Variants in BLTP1 observed in about 807,000 individuals in gnomAD.
BLTP1 encodes the protein bridge-like lipid transfer protein family member 1, also known as fragile site-associated protein.
chr4:122,237,184 G>A, the BLTP1 span: 465 of 985,314 alleles, frequency 4.7e-4, 2 homozygotes, highest in African/African-American at 7.3e-3. Context: ...TTCCATTAGC[G>A]GATTTACTTT....
the BLTP1 span, chr4:122,224,744 A>G: frequency 6.2e-7 from 1 of 1,611,648 alleles, no homozygotes; most frequent in Non-Finnish European, 8.5e-7. Context: ...CCTTCTCAAG[A>G]ATAACTTGTA....
chr4:122,327,443 T>C, the BLTP1 span, among the ~76,000 whole-genome samples: 1 of 151,746 alleles, frequency 6.6e-6, no homozygotes, highest in Admixed American at 6.6e-5. Context: ...ATTATTTTTA[T>C]TTTTCCCCCA....
chr4:122,254,192 T>G, the BLTP1 span: 19 of 1,612,464 alleles, frequency 1.2e-5, no homozygotes, highest in Non-Finnish European at 1.6e-5. Context: ...CTATTTTATA[T>G]AGGATGAAGG....
the BLTP1 span, among the ~76,000 whole-genome samples, chr4:122,332,493 T>C: frequency 6.6e-6 from 1 of 152,038 alleles, no homozygotes; most frequent in Non-Finnish European, 1.5e-5. Flanking sequence ...CTGCCCTGTA[T>C]AGTTACGGAA....
chr4:122,269,297 A>G, the BLTP1 span: 14 of 447,694 alleles, frequency 3.1e-5, no homozygotes, highest in African/African-American at 2.6e-4. Flanking sequence ...AAATAAAATT[A>G]TAGCTGTAGC....
At chr4:122,313,697 C>A in the BLTP1 span, 1 of 1,445,928 alleles carries the variant, frequency 6.9e-7, no homozygotes, top group Non-Finnish European at 9.6e-7. Flanking sequence ...GGTAGGTTCA[C>A]ATGCAGCATT....
the BLTP1 span, among the ~76,000 whole-genome samples, chr4:122,284,131 G>A: frequency 2.0e-5 from 3 of 152,236 alleles, no homozygotes; most frequent in East Asian, 1.9e-4. Flanking sequence ...TAAACTGTTG[G>A]TAGTCTACAA....
chr4:122,314,770 CT>C, the BLTP1 span, among the ~76,000 whole-genome samples: 1 of 152,128 alleles, frequency 6.6e-6, no homozygotes, highest in Non-Finnish European at 1.5e-5. Flanking sequence ...TTCGTCAGGA[CT>C]TTTAAGTGAC....
chr4:122,155,282 A>G, the BLTP1 span, among the ~76,000 whole-genome samples: 3 of 151,770 alleles, frequency 2.0e-5, no homozygotes, highest in Non-Finnish European at 4.4e-5. Context: ...GTAAAGCAGG[A>G]TTCTCTATGA....
the BLTP1 span, chr4:122,325,934 A>G: frequency 1.2e-6 from 1 of 853,414 alleles, no homozygotes; most frequent in Non-Finnish European, 1.6e-6. Context: ...ACTAAGAACA[A>G]TATAAATTTT....
At chr4:122,204,505 T>C in the BLTP1 span, 10 of 981,854 alleles carry the variant, frequency 1.0e-5, no homozygotes, top group African/African-American at 1.7e-5. Flanking sequence ...GGCAGACTTA[T>C]GAGGCTAGGA....
chr4:122,280,059 TGGAG>T, the BLTP1 span: 1 of 1,597,546 alleles, frequency 6.3e-7, no homozygotes, highest in African/African-American at 1.3e-5. Context: ...AACAAAAGTT[TGGAG>T]GGAGATGAAG....
chr4:122,284,548 ATG>A, the BLTP1 span, among the ~76,000 whole-genome samples: 1 of 152,148 alleles, frequency 6.6e-6, no homozygotes, highest in African/African-American at 2.4e-5. Flanking sequence ...ATACATATAT[ATG>A]AATATATGCA....
At chr4:122,339,156 ACTTTT>A in the BLTP1 span, 2 of 1,556,914 alleles carry the variant, frequency 1.3e-6, no homozygotes, top group Non-Finnish European at 1.7e-6. Context: ...TCTATTTAAA[ACTTTT>A]CTTTTATCCA....
the BLTP1 span, among the ~76,000 whole-genome samples, chr4:122,275,680 T>C: frequency 2.0e-5 from 3 of 152,172 alleles, no homozygotes; most frequent in African/African-American, 4.8e-5. Context: ...TGATATTTCT[T>C]GCTCTTTTTT....
the BLTP1 span, chr4:122,271,688 A>G: frequency 4.4e-6 from 7 of 1,584,492 alleles, no homozygotes; most frequent in Non-Finnish European, 6.0e-6. Context: ...TCCAACAGGA[A>G]TATTGGAAAA....
chr4:122,250,785 A>G, the BLTP1 span, among the ~76,000 whole-genome samples: 1 of 152,184 alleles, frequency 6.6e-6, no homozygotes, highest in Non-Finnish European at 1.5e-5. Context: ...ATTTATATCC[A>G]TCATAGTCCT....
chr4:122,191,766 G>A, the BLTP1 span, among the ~76,000 whole-genome samples: 3 of 151,882 alleles, frequency 2.0e-5, no homozygotes, highest in African/African-American at 7.3e-5. Flanking sequence ...ATATCTTTAC[G>A]AGGCCAGATC....
chr4:122,324,635 C>A, the BLTP1 span: 2 of 930,116 alleles, frequency 2.2e-6, no homozygotes, highest in South Asian at 2.2e-5. Context: ...ATTAAGATAA[C>A]AAAAATTAAT....
Sources: gnomAD v4.1 joint callset for allele counts (sites outside exome capture counted in the v4.1 genomes callset) on GRCh38, gnomAD v4.1.1 for gene constraint, MANE v1.5 for transcripts, NCBI Gene and HGNC (gene_info 2026-07-23, HGNC 2026-07-21) for gene names.